EPHA6: variants seen among roughly 807,000 people sequenced by gnomAD.
EPHA6 encodes EPH receptor A6, also known as ephrin type-A receptor 6.
In EPHA6, 50 loss-of-function variants were observed where a neutral mutation model predicts 112.0. The ratio of observed to expected loss-of-function variants is 0.45; its 90% CI spans 0.36 to 0.56. The LOEUF (loss-of-function observed/expected upper bound fraction) is 0.56, where lower values mean the gene tolerates loss of function less well. Among genes scored for constraint, EPHA6 ranks in the 20% least tolerant of loss-of-function variants. The pLI, the probability that EPHA6 is intolerant of heterozygous loss-of-function variation, is 0.00. For missense variants in EPHA6, 1,280 were observed against 1,417.4 expected (o/e 0.90, Z 1.56); for synonymous variants, 529 against 490.7 (o/e 1.08, Z -1.03).
At chr3:97,367,977 CACT>C (rs1259206629) in intron 5 of EPHA6, among the ~76,000 whole-genome samples, 1 of 152,104 alleles carries the variant, frequency 6.6e-6, no homozygotes, top group Non-Finnish European at 1.5e-5. Context: ...TGTAACATAA[CACT>C]ACTTTCATGC....
At chr3:97,125,149 T>G (rs1364530208) in intron 3 of EPHA6, among the ~76,000 whole-genome samples, 2 of 151,420 alleles carry the variant, frequency 1.3e-5, no homozygotes, top group East Asian at 1.9e-4. Flanking sequence ...ACTAATGCCC[T>G]GCTTGTTTTG....
intron 5 of EPHA6, among the ~76,000 whole-genome samples, chr3:97,299,239 A>G (rs1349888461): frequency 5.5e-5 from 8 of 144,288 alleles, no homozygotes; most frequent in Non-Finnish European, 9.2e-5. Flanking sequence ...GTGTGTGTGT[A>G]GTGGGGAGTG....
At chr3:96,884,933 AG>A (rs1334805229) in intron 2 of EPHA6, among the ~76,000 whole-genome samples, 2 of 152,200 alleles carry the variant, frequency 1.3e-5, no homozygotes, top group African/African-American at 4.8e-5. Flanking sequence ...TTAATCATAA[AG>A]GGATGCTGGA....
At chr3:97,434,455 G>A (rs1447395156) in intron 6 of EPHA6, among the ~76,000 whole-genome samples, 1 of 152,036 alleles carries the variant, frequency 6.6e-6, no homozygotes, top group Non-Finnish European at 1.5e-5. Context: ...TGTCATTTCA[G>A]GCTAAAAAGT....
chr3:96,965,732 C>G (rs2042101230), intron 2 of EPHA6, among the ~76,000 whole-genome samples: 1 of 151,954 alleles, frequency 6.6e-6, no homozygotes, highest in South Asian at 2.1e-4. Flanking sequence ...TTATCCAGCC[C>G]TCGTTCAGCA....
chr3:97,141,448 T>C (rs1187083641), intron 3 of EPHA6, among the ~76,000 whole-genome samples: 1 of 151,808 alleles, frequency 6.6e-6, no homozygotes, highest in Non-Finnish European at 1.5e-5. Flanking sequence ...CAAGCCTCAA[T>C]AAAATCAAAA....
intron 2 of EPHA6, among the ~76,000 whole-genome samples, chr3:96,893,671 G>A (rs1021046194): frequency 1.3e-5 from 2 of 152,138 alleles, no homozygotes; most frequent in Non-Finnish European, 2.9e-5. Context: ...AATTGGAGAA[G>A]GGCCTGTATC....
At chr3:97,251,386 C>G (rs1197689890) in intron 5 of EPHA6, among the ~76,000 whole-genome samples, 2 of 151,692 alleles carry the variant, frequency 1.3e-5, no homozygotes, top group African/African-American at 4.8e-5. Context: ...AAAAATTAGC[C>G]GGGCGTGGTT....
At chr3:97,142,915 C>T (rs2075949630) in intron 3 of EPHA6, among the ~76,000 whole-genome samples, 1 of 151,764 alleles carries the variant, frequency 6.6e-6, no homozygotes, top group East Asian at 1.9e-4. Flanking sequence ...CCTCTGAGAA[C>T]CGGAAGAAGA....
At chr3:97,724,041 G>T (rs1576355808) in intron 15 of EPHA6, among the ~76,000 whole-genome samples, 1 of 152,124 alleles carries the variant, frequency 6.6e-6, no homozygotes. Context: ...AAATGAAAAT[G>T]TGATAGACAA....
At chr3:97,320,123 C>A (rs780281929) in intron 5 of EPHA6, among the ~76,000 whole-genome samples, 2 of 152,042 alleles carry the variant, frequency 1.3e-5, no homozygotes, top group Admixed American at 6.6e-5. Flanking sequence ...TAACCACACA[C>A]TGTCAGTATC....
intron 5 of EPHA6, among the ~76,000 whole-genome samples, chr3:97,314,740 A>G (rs183906400): frequency 1.3e-5 from 2 of 151,840 alleles, no homozygotes; most frequent in African/African-American, 4.8e-5. Context: ...CAGAAGGAGT[A>G]GGAAGGAAGA....
intron 3 of EPHA6, among the ~76,000 whole-genome samples, chr3:97,025,347 G>C (rs1199327368): frequency 6.6e-6 from 1 of 152,076 alleles, no homozygotes; most frequent in Non-Finnish European, 1.5e-5. Context: ...AAAGAGTTGA[G>C]TTTAAAAAGT....
rs372039600 is a variant in EPHA6 at position 96,871,748 on chromosome 3, T to C, written c.450+4859T>C. On this transcript the variant is annotated intron_variant, in intron 2 of 17. Coordinates refer to ENST00000389672, the MANE Select transcript of EPHA6 (RefSeq NM_001080448.3). ...CCCTCTTAGGATCTAGTACTAGTTA[T>C]GATCTTTAGCTGTGAATACTATATC... is the stretch of plus-strand genomic sequence containing the variant. 2.0e-5 allele frequency among the ~76,000 whole-genome samples: 3 copies of C among 152,220 alleles called. No homozygotes were observed. The East Asian group carries it at 5.8e-4, about 29-fold the overall frequency.
chr3:97,343,102 AG>A (rs2083389049), intron 5 of EPHA6, among the ~76,000 whole-genome samples: 1 of 152,190 alleles, frequency 6.6e-6, no homozygotes, highest in African/African-American at 2.4e-5. Flanking sequence ...CAAGGTAAAA[AG>A]AAGAAAGCTG....
At chr3:96,910,140 A>G (rs983876494) in intron 2 of EPHA6, among the ~76,000 whole-genome samples, 3 of 152,112 alleles carry the variant, frequency 2.0e-5, no homozygotes, top group African/African-American at 7.2e-5. Context: ...ACATATTCAT[A>G]GAAATTATTG....
intron 12 of EPHA6, among the ~76,000 whole-genome samples, chr3:97,597,447 T>G (rs1187392763): frequency 6.6e-6 from 1 of 152,174 alleles, no homozygotes; most frequent in Admixed American, 6.5e-5. Context: ...AAGAATAATG[T>G]TTAATATTGT....
intron 5 of EPHA6, among the ~76,000 whole-genome samples, chr3:97,261,736 A>G (rs573164770): frequency 2.0e-5 from 3 of 152,318 alleles, no homozygotes; most frequent in South Asian, 4.1e-4. Context: ...TCAATGGGAT[A>G]AAGTCACAAA....
At chr3:97,459,440 A>G (rs2090811543) in intron 7 of EPHA6, among the ~76,000 whole-genome samples, 1 of 152,210 alleles carries the variant, frequency 6.6e-6, no homozygotes, top group Admixed American at 6.5e-5. Context: ...CAAATAGCAC[A>G]ACACTGGCAG....
Sources: allele counts gnomAD v4.1 joint callset (sites outside exome capture counted in the v4.1 genomes callset), GRCh38; gene constraint gnomAD v4.1.1; transcripts MANE v1.5; gene names NCBI Gene and HGNC (gene_info 2026-07-23, HGNC 2026-07-21).